The following FAM204A variants were observed in gnomAD, a reference collection of about 807,000 sequenced individuals.
FAM204A encodes protein FAM204A.
Under a neutral mutation model 35.4 loss-of-function variants are expected in FAM204A, and 16 were observed. The ratio of observed to expected loss-of-function variants is 0.45; its 90% CI spans 0.31 to 0.69. The LOEUF is 0.69. Among genes scored for constraint, FAM204A ranks in the 30% least tolerant of loss-of-function variants. The pLI is 0.07. For synonymous variants in FAM204A, 76 were observed against 86.9 expected (o/e 0.88, Z 0.70); for missense variants, 240 against 265.7 (o/e 0.90, Z 0.67).
At chr10:118,310,955 A>G (rs772790030) in intron 8 of FAM204A, 47 bp from the exon 9 acceptor site, 4 of 1,523,624 alleles carry the variant, frequency 2.6e-6, no homozygotes, top group East Asian at 2.3e-5. Flanking sequence ...TAAAAAAAAA[A>G]ATACTTTGCT....
At chr10:118,318,945 G>A (rs1328743345) in intron 7 of FAM204A, among the ~76,000 whole-genome samples, 2 of 150,896 alleles carry the variant, frequency 1.3e-5, no homozygotes, top group Non-Finnish European at 3.0e-5. Flanking sequence ...TTTTTCCCAG[G>A]GGGAGGGGAC....
chr10:118,318,203 A>G (rs1846060019), intron 7 of FAM204A, among the ~76,000 whole-genome samples: 2 of 152,056 alleles, frequency 1.3e-5, no homozygotes, highest in Non-Finnish European at 2.9e-5. Flanking sequence ...AAACAAGCAA[A>G]CAAAAGAAAA....
chr10:118,319,898 C>A (rs568990263), intron 7 of FAM204A, among the ~76,000 whole-genome samples: 1 of 152,002 alleles, frequency 6.6e-6, no homozygotes, highest in East Asian at 1.9e-4. Context: ...CAAAGACCAT[C>A]CTGTTTCAGC....
chr10:118,327,710 C>T (rs1332857324), intron 6 of FAM204A, among the ~76,000 whole-genome samples: 3 of 152,224 alleles, frequency 2.0e-5, no homozygotes, highest in East Asian at 3.9e-4. Flanking sequence ...CAGGTCTGGT[C>T]TGTACACAGT....
chr10:118,340,923 G>T (rs1339435877), intron 2 of FAM204A, among the ~76,000 whole-genome samples: 1 of 148,954 alleles, frequency 6.7e-6, no homozygotes, highest in African/African-American at 2.5e-5. Context: ...TTTAGATTAT[G>T]AATTTTACAG....
chr10:118,337,548 T>A (rs1452433771), intron 2 of FAM204A, among the ~76,000 whole-genome samples: 2 of 152,230 alleles, frequency 1.3e-5, no homozygotes, highest in African/African-American at 4.8e-5. Context: ...TTACTTTTTG[T>A]GGCTTTGGTC....
chr10:118,336,455 G>C, intron 2 of FAM204A, 32 bp from the exon 3 acceptor site: 1 of 1,542,080 alleles, frequency 6.5e-7, no homozygotes. Flanking sequence ...TACACATGTA[G>C]AATAACCATA....
chr10:118,338,023 T>C (rs935020245), intron 2 of FAM204A, among the ~76,000 whole-genome samples: 1 of 152,222 alleles, frequency 6.6e-6, no homozygotes, highest in African/African-American at 2.4e-5. Flanking sequence ...TGTTAGTGTT[T>C]GGTTTTCTGA....
chr10:118,336,616 T>C lies in FAM204A; in HGVS notation c.-8-193A>G, dbSNP rs148518389. ...TAATTAAAATCTTCACTTGTGTAAG[T>C]AAAAAAAAAGTTTAGAAGTTTAAAA... On this transcript the variant is annotated intron_variant, in intron 2 of 8. Coordinates refer to ENST00000369183, the MANE Select transcript of FAM204A (RefSeq NM_022063.3). Among the ~76,000 whole-genome samples the C allele has an allele frequency of 6.5e-3, 973 of 150,588 alleles. 8 individuals are homozygous for C. Among genetic ancestry groups the C allele is most frequent in the African/African-American group, 0.022 (917 of 41,068 alleles).
At chr10:118,335,372 A>G (rs1009595832) in intron 5 of FAM204A, 24 bp downstream of exon 5, 10 of 1,578,510 alleles carry the variant, frequency 6.3e-6, no homozygotes, top group Admixed American at 3.7e-5. Context: ...CCTAAAATAG[A>G]TAACTATTTT....
chr10:118,299,910 A>C lies in FAM204A; in HGVS notation c.*10947T>G, dbSNP rs547678808. The stretch of plus-strand genomic sequence containing the variant: ...AAACCACAATTCTGCTATCAATAGG[A>C]ATCTAAAATACTTGAATTGCTTTAA... On this transcript the variant is annotated 3_prime_UTR_variant, in exon 9 of 9. Transcript: ENST00000369183. 1 of 152,350 alleles carries C rather than the reference A, an allele frequency of 6.6e-6. No homozygotes were observed. Among genetic ancestry groups the C allele is most frequent in the Non-Finnish European group, 1.5e-5 (1 of 68,032 alleles). The allele number at this position is 152,350 out of a possible 1,614,324, so 9.4% of individuals were successfully genotyped here.
At chr10:118,335,901 TAAAG>T in intron 3 of FAM204A, 2 of 535,774 alleles carry the variant, frequency 3.7e-6, no homozygotes. Flanking sequence ...AAAGGTTAAA[TAAAG>T]ACAGAAACTA....
At chr10:118,319,401 T>TC (rs1846078292) in intron 7 of FAM204A, among the ~76,000 whole-genome samples, 1 of 151,970 alleles carries the variant, frequency 6.6e-6, no homozygotes, top group African/African-American at 2.4e-5. Flanking sequence ...TCAACATTAT[T>TC]AACTTTACCT....
At chr10:118,336,500 G>T in intron 2 of FAM204A, 77 bp from the exon 3 acceptor site, 3 of 1,309,882 alleles carry the variant, frequency 2.3e-6, no homozygotes, top group Non-Finnish European at 3.1e-6. Flanking sequence ...GACATTCCAG[G>T]TGCCTAATAA....
intron 7 of FAM204A, among the ~76,000 whole-genome samples, chr10:118,314,943 G>C (rs1198838409): frequency 6.6e-6 from 1 of 151,854 alleles, no homozygotes; most frequent in East Asian, 1.9e-4. Context: ...AGGAACCAAG[G>C]GTGTAAAATG....
At chr10:118,329,095 C>A (rs1198616873) in intron 6 of FAM204A, among the ~76,000 whole-genome samples, 5 of 152,172 alleles carry the variant, frequency 3.3e-5, no homozygotes, top group Non-Finnish European at 7.3e-5. Flanking sequence ...CACTTGCTGC[C>A]CTGCTTCTCC....
rs914715698 is a variant in FAM204A at position 118,338,273 on chromosome 10, C to T, written c.-8-1850G>A. On this transcript the variant is annotated intron_variant, in intron 2 of 8. Coordinates refer to ENST00000369183, the MANE Select transcript of FAM204A (RefSeq NM_022063.3). ...TTGGGACAGCAGTACTCTTGAAATA[C>T]TCCAATAGCACAAAAGACATCATGT... 5.2e-4 allele frequency among the ~76,000 whole-genome samples: 79 copies of T among 152,158 alleles called. 3 individuals are homozygous for T. Among genetic ancestry groups the T allele is most frequent in the Non-Finnish European group, 1.9e-4 (13 of 68,030 alleles).
chr10:118,328,494 GTTT>G (rs35224218), intron 6 of FAM204A, among the ~76,000 whole-genome samples: 137 of 137,638 alleles, frequency 1.0e-3, no homozygotes, highest in Middle Eastern at 3.9e-3. Context: ...TATGTCAACT[GTTT>G]TTTTTTTTTT....
chr10:118,341,841 A>T lies in FAM204A; in HGVS notation c.-123T>A, dbSNP rs1415587148. The T allele has an allele frequency of 6.6e-6, 1 of 152,280 alleles. No homozygotes were observed. The highest frequency in any genetic ancestry group is 1.5e-5 in the Non-Finnish European group (1 of 68,140). The allele number at this position is 152,280 out of a possible 1,614,324, so 9.4% of individuals were successfully genotyped here. A position where few individuals can be genotyped will look rare whatever the true frequency, so the allele number is the denominator to read the frequency against. The stretch of plus-strand genomic sequence containing the variant: ...CAATGCCACACTCCAATCCCAAAAG[A>T]GAGAGAAGCCCCTCCCGGGCACAGA... On this transcript the variant is annotated 5_prime_UTR_variant, in exon 2 of 9. Transcript: ENST00000369183.
Sources: allele counts gnomAD v4.1 joint callset (sites outside exome capture counted in the v4.1 genomes callset), GRCh38; gene constraint gnomAD v4.1.1; transcripts MANE v1.5; gene names NCBI Gene and HGNC (gene_info 2026-07-23, HGNC 2026-07-21).